Variants in SLC26A9 observed in about 807,000 individuals in gnomAD.
SLC26A9 encodes the protein solute carrier family 26 member 9.
Under a neutral mutation model 87.1 loss-of-function variants are expected in SLC26A9, and 46 were observed. The ratio of observed to expected loss-of-function variants is 0.53; its 90% CI spans 0.42 to 0.67. The LOEUF is 0.67. Ranked by LOEUF, SLC26A9 falls within the 30% of genes least tolerant of loss-of-function variation. The probability of loss-of-function intolerance (pLI) is 0.00; values close to 1 mark genes in which losing one functional copy is unlikely to be tolerated. For synonymous variants in SLC26A9, 437 were observed against 409.1 expected (o/e 1.07, Z -0.82); for missense variants, 927 against 1,018.3 (o/e 0.91, Z 1.22).
chr1:205,939,594 A>T (rs1167887696), intron 1 of SLC26A9, among the ~76,000 whole-genome samples: 1 of 152,062 alleles, frequency 6.6e-6, no homozygotes. Context: ...ATCCCCAGCC[A>T]GCCCTTCAGG....
Position 205,927,486 on chromosome 1 carries a change from G to A in SLC26A9, c.1215+6C>T. The A allele has an allele frequency of 6.2e-7, 1 of 1,613,252 alleles. No individual in the cohort carries two copies. The highest frequency in any genetic ancestry group is 8.5e-7 in the Non-Finnish European group (1 of 1,179,458). On this transcript the variant is annotated splice_donor_region_variant and intron_variant, in intron 10 of 20. Transcript: ENST00000367135. Reference sequence around the variant, plus strand: ...CTCCCCCCAACTCCCCTAGAACAAGGCTCACCTGGGATTTTCCTCCAGCTC... The same window carrying A: ...CTCCCCCCAACTCCCCTAGAACAAGACTCACCTGGGATTTTCCTCCAGCTC...
chr1:205,914,880 C>G lies in SLC26A9; in HGVS notation c.*477G>C, dbSNP rs201167041. The G allele has an allele frequency of 6.3e-7, 1 of 1,599,790 alleles. No homozygotes were observed. The highest frequency in any genetic ancestry group is 1.3e-5 in the African/African-American group (1 of 74,760). On this transcript the variant is annotated 3_prime_UTR_variant, in exon 21 of 21. Transcript: ENST00000367135. ...TGGGGAAGGCAAGCCAGAGTCCTAACCAAGTTTATCCCTATGTCCGTGACA... is the reference window on the plus strand; with the variant it reads ...TGGGGAAGGCAAGCCAGAGTCCTAAGCAAGTTTATCCCTATGTCCGTGACA...
chr1:205,941,855 C>T (rs1233250015), intron 1 of SLC26A9, among the ~76,000 whole-genome samples: 1 of 152,240 alleles, frequency 6.6e-6, no homozygotes, highest in African/African-American at 2.4e-5. Context: ...TTTAAGGAGA[C>T]TGGGGTTGCT....
intron 9 of SLC26A9, 123 bp downstream of exon 9, chr1:205,927,779 C>T: frequency 1.3e-6 from 2 of 1,508,342 alleles, no homozygotes; most frequent in East Asian, 2.3e-5. Context: ...AGAGGACCCC[C>T]TATCCCCCAC....
chr1:205,923,663 G>A lies in SLC26A9; in HGVS notation c.1497-50C>T, dbSNP rs762584432. ...CATAAGAGAATGCTAATGGCACATG[G>A]GCCTGGAAGGGTGCCCCTGCTGGGG... On this transcript the variant is annotated intron_variant, in intron 13 of 20. Coordinates refer to ENST00000367135, the MANE Select transcript of SLC26A9 (RefSeq NM_052934.4). 6.2e-6 allele frequency: 10 copies of A among 1,607,556 alleles called. No homozygotes were observed. The African/African-American group carries it at 1.2e-4, about 19-fold the overall frequency.
At position 205,918,920 on chromosome 1, in the gene SLC26A9, C is replaced by T. The variant is rs139528306; in HGVS notation, c.2176G>A (p.Val726Ile). ...FEDGSLECKH[V>I]FPSIHDAVLF... ...ACTGCGTCATGTATGCTGGGAAAGA[C>T]GTGCTTGCATTCTAGACTCCCATCC... Residue 726 changes from valine to isoleucine, a missense_variant, in exon 19 of 21, where the codon GTC (valine) becomes ATC (isoleucine). Transcript: ENST00000367135. 9.2e-5 allele frequency: 149 copies of T among 1,614,102 alleles called. No individual in the cohort carries two copies. The highest frequency in any genetic ancestry group is 2.7e-4 in the East Asian group (12 of 44,898).
chr1:205,939,565 T>A (rs1256838210), intron 1 of SLC26A9, among the ~76,000 whole-genome samples: 1 of 151,920 alleles, frequency 6.6e-6, no homozygotes, highest in Non-Finnish European at 1.5e-5. Context: ...GGGTGGGACG[T>A]AGAAGACAAG....
In SLC26A9 at chr1:205,927,884, G is replaced by T. The variant is rs373030586; in HGVS notation, c.1101+18C>A. 2 of 1,612,002 alleles carry T rather than the reference G, an allele frequency of 1.2e-6. No individual in the cohort carries two copies. Among genetic ancestry groups the T allele is most frequent in the East Asian group, 2.2e-5 (1 of 44,858 alleles). On this transcript the variant is annotated intron_variant, in intron 9 of 20. Coordinates refer to ENST00000367135, the MANE Select transcript of SLC26A9 (RefSeq NM_052934.4). ...TTGACCTGTCCTGCCCAGTCCTGCC[G>T]GGGGTGGCCAGAGCTACCTGGTTCG...
Position 205,935,748 on chromosome 1 carries a change from C to G in SLC26A9, c.73G>C (p.Glu25Gln). ...YSLTLFDDEF[E>Q]KKDRTYPVGE... ...ACTGGGTATGTCCGGTCCTTCTTCT[C>G]AAACTCATCGTCGAAGAGGGTAAGG... Residue 25 changes from glutamate (E) to glutamine (Q), a missense_variant, in exon 2 of 21, where the codon GAG (glutamate) becomes CAG (glutamine). By Grantham distance (29) the Glu-to-Gln change is conservative (BLOSUM62 2). Coordinates refer to ENST00000367135, the MANE Select transcript of SLC26A9 (RefSeq NM_052934.4). 1 of 1,614,096 alleles carries G rather than the reference C, an allele frequency of 6.2e-7. No individual in the cohort carries two copies. Among genetic ancestry groups the G allele is most frequent in the Non-Finnish European group, 8.5e-7 (1 of 1,179,964 alleles).
At chr1:205,924,028 G>A (rs77883436) in intron 13 of SLC26A9, among the ~76,000 whole-genome samples, 11 of 152,248 alleles carry the variant, frequency 7.2e-5, no homozygotes, top group East Asian at 1.9e-4. Flanking sequence ...CCACCCTGGC[G>A]CTCTCCTGGG....
chr1:205,929,530 G>A (rs1659223809), intron 6 of SLC26A9, among the ~76,000 whole-genome samples, 174 bp from the exon 7 acceptor site: 1 of 152,162 alleles, frequency 6.6e-6, no homozygotes, highest in Non-Finnish European at 1.5e-5. Context: ...TTTCCCAAAA[G>A]GCACATGGGG....
rs755293789 is a variant in SLC26A9, at chr1:205,935,708, C to A, written c.113G>T (p.Arg38Leu). 1.1e-5 allele frequency: 18 copies of A among 1,613,888 alleles called. No individual in the cohort carries two copies. Among genetic ancestry groups the A allele is most frequent in the South Asian group, 4.4e-5 (4 of 91,068 alleles). ...CTGGACCAGTTACCTGAAGGCATTG[C>A]GAAGTTTCTCTCCCACTGGGTATGT... ...DRTYPVGEKL[R>L]NAFRCSSAKI... Residue 38 changes from arginine to leucine, a missense_variant, in exon 2 of 21, where the codon CGC becomes CTC. By Grantham distance (102) the Arg-to-Leu change is moderately radical. Transcript: ENST00000367135.
At chr1:205,940,731 C>A (rs539637613) in intron 1 of SLC26A9, among the ~76,000 whole-genome samples, 2 of 152,218 alleles carry the variant, frequency 1.3e-5, no homozygotes, top group South Asian at 4.1e-4. Flanking sequence ...TGTGAGGGGT[C>A]CATTTGTGGG....
intron 7 of SLC26A9, 137 bp from the exon 8 acceptor site, chr1:205,929,046 G>A: frequency 7.0e-7 from 1 of 1,437,518 alleles, no homozygotes. Context: ...TAGAGCAGTA[G>A]AAAGAGAGGA....
chr1:205,921,883 C>G, intron 16 of SLC26A9, 36 bp from the exon 17 acceptor site: 1 of 1,585,458 alleles, frequency 6.3e-7, no homozygotes, highest in Admixed American at 1.8e-5. Context: ...AGTCAGGGAC[C>G]ACCAGACTGA....
intron 8 of SLC26A9, 32 bp from the exon 9 acceptor site, chr1:205,928,081 A>G (rs764606207): frequency 1.9e-6 from 3 of 1,606,608 alleles, no homozygotes; most frequent in Admixed American, 1.7e-5. Context: ...GGCAGAACCC[A>G]AGGGTGTGAG....
chr1:205,938,852 C>T (rs1489009457), intron 1 of SLC26A9, among the ~76,000 whole-genome samples: 9 of 152,170 alleles, frequency 5.9e-5, no homozygotes, highest in African/African-American at 2.2e-4. Flanking sequence ...TGGCTTTGGC[C>T]ATTTTTCTTT....
At chr1:205,934,555 T>C (rs1255712673) in intron 2 of SLC26A9, among the ~76,000 whole-genome samples, 1 of 152,334 alleles carries the variant, frequency 6.6e-6, no homozygotes, top group East Asian at 1.9e-4. Flanking sequence ...GGGATTAGCT[T>C]TCTAGACATT....
chr1:205,929,089 A>G, intron 7 of SLC26A9, 115 bp downstream of exon 7: 1 of 1,516,290 alleles, frequency 6.6e-7, no homozygotes, highest in Non-Finnish European at 9.0e-7. Context: ...ATGGATTCAC[A>G]ACTGACTTCC....
Sources: allele counts gnomAD v4.1 joint callset (sites outside exome capture counted in the v4.1 genomes callset), GRCh38; gene constraint gnomAD v4.1.1; transcripts MANE v1.5; gene names NCBI Gene and HGNC (gene_info 2026-07-23, HGNC 2026-07-21).